The following LGSN variants were observed in gnomAD, a reference collection of about 807,000 sequenced individuals.
LGSN encodes lengsin.
LGSN carries 21 observed loss-of-function variants against 19.5 expected under a neutral mutation model. The ratio of observed to expected loss-of-function variants is 1.07; its 90% CI spans 0.76 to 1.55. The LOEUF (loss-of-function observed/expected upper bound fraction) is 1.55. Among genes scored for constraint, LGSN ranks in the 40% most tolerant of loss-of-function variants. The pLI, the probability that LGSN is intolerant of heterozygous loss-of-function variation, is 0.00. For missense variants in LGSN, 673 were observed against 608.5 expected, an observed-to-expected ratio of 1.11 and a Z score of -1.12; for synonymous variants, 257 against 215.6, an observed-to-expected ratio of 1.19 and a Z score of -1.68.
At chr6:63,399,340 A>T in the LGSN span, among the ~76,000 whole-genome samples, 1 of 152,072 alleles carries the variant, frequency 6.6e-6, no homozygotes, top group Non-Finnish European at 1.5e-5. Flanking sequence ...AAATCACTTA[A>T]TGACACATTT....
chr6:63,452,569 T>A, the LGSN span, among the ~76,000 whole-genome samples: 2 of 152,058 alleles, frequency 1.3e-5, no homozygotes, highest in Non-Finnish European at 2.9e-5. Context: ...TTGAAAAAAA[T>A]TCATAATATA....
At chr6:63,318,778 C>T (rs1302324830) in intron 1 of LGSN, among the ~76,000 whole-genome samples, 1 of 152,148 alleles carries the variant, frequency 6.6e-6, no homozygotes, top group Admixed American at 6.6e-5. Context: ...GGGAAGAAAG[C>T]AGAGTTCTGC....
At chr6:63,408,039 G>C in the LGSN span, among the ~76,000 whole-genome samples, 7 of 152,040 alleles carry the variant, frequency 4.6e-5, no homozygotes, top group African/African-American at 1.2e-4. Flanking sequence ...AGGATACAAG[G>C]AAATGGAAGA....
At chr6:63,562,621 A>C in the LGSN span, among the ~76,000 whole-genome samples, 3 of 152,258 alleles carry the variant, frequency 2.0e-5, no homozygotes, top group African/African-American at 7.2e-5. Flanking sequence ...AAATTCAACA[A>C]AACAGTGCAA....
At chr6:63,533,394 A>G in the LGSN span, among the ~76,000 whole-genome samples, 1 of 152,202 alleles carries the variant, frequency 6.6e-6, no homozygotes, top group African/African-American at 2.4e-5. Flanking sequence ...AAAAGAAAAC[A>G]ATAAGATGAA....
the LGSN span, among the ~76,000 whole-genome samples, chr6:63,565,152 A>G: frequency 2.0e-5 from 3 of 151,854 alleles, no homozygotes; most frequent in Non-Finnish European, 2.9e-5. Context: ...AGCTACAACT[A>G]CAGGAATGCA....
chr6:63,307,514 G>A (rs1768438480), intron 1 of LGSN, among the ~76,000 whole-genome samples: 1 of 152,210 alleles, frequency 6.6e-6, no homozygotes, highest in South Asian at 2.1e-4. Context: ...AAGAGCCCCA[G>A]GGAAATACTA....
the LGSN span, among the ~76,000 whole-genome samples, chr6:63,526,516 A>G: frequency 6.6e-6 from 1 of 151,960 alleles, no homozygotes; most frequent in South Asian, 2.1e-4. Context: ...TATTTTTTTA[A>G]AAAGATTTTT....
At chr6:63,394,128 G>A in the LGSN span, among the ~76,000 whole-genome samples, 166 of 152,264 alleles carry the variant, frequency 1.1e-3, no homozygotes, top group East Asian at 5.8e-3. Flanking sequence ...TTAGCTGGGC[G>A]TGGTGGGCGA....
chr6:63,459,276 C>A, the LGSN span, among the ~76,000 whole-genome samples: 1 of 152,176 alleles, frequency 6.6e-6, no homozygotes, highest in Non-Finnish European at 1.5e-5. Flanking sequence ...TACTCCAATT[C>A]TGTCTATGAA....
the LGSN span, among the ~76,000 whole-genome samples, chr6:63,349,985 C>T: frequency 3.3e-5 from 5 of 152,186 alleles, no homozygotes; most frequent in Admixed American, 6.5e-5. Flanking sequence ...TTATTAGAGA[C>T]CTACCCAAAG....
chr6:63,383,524 T>C, the LGSN span, among the ~76,000 whole-genome samples: 1 of 152,060 alleles, frequency 6.6e-6, no homozygotes, highest in African/African-American at 2.4e-5. Context: ...GGCGTTTTTT[T>C]AATCCAGGTA....
the LGSN span, among the ~76,000 whole-genome samples, chr6:63,526,949 T>G: frequency 1.3e-5 from 2 of 151,812 alleles, no homozygotes; most frequent in African/African-American, 4.8e-5. Flanking sequence ...TGTTATGCAC[T>G]TCTTCAAAAT....
chr6:63,433,072 G>A, the LGSN span, among the ~76,000 whole-genome samples: 8 of 151,972 alleles, frequency 5.3e-5, no homozygotes, highest in East Asian at 3.9e-4. Flanking sequence ...TCCAAGATTC[G>A]TACTTCTAGG....
At chr6:63,357,185 G>A in the LGSN span, among the ~76,000 whole-genome samples, 449 of 152,202 alleles carry the variant, frequency 3.0e-3, 3 homozygotes, top group African/African-American at 0.01. Context: ...TGGCTGCATA[G>A]TATTCCATGG....
chr6:63,358,320 T>C, the LGSN span, among the ~76,000 whole-genome samples: 52 of 152,356 alleles, frequency 3.4e-4, no homozygotes, highest in African/African-American at 1.2e-3. Context: ...ATGTGGGCTC[T>C]TTTTTGGTTC....
At chr6:63,520,549 C>A in the LGSN span, among the ~76,000 whole-genome samples, 12 of 151,800 alleles carry the variant, frequency 7.9e-5, no homozygotes, top group Admixed American at 7.9e-4. Flanking sequence ...ATCACTTGAA[C>A]CAGGGAGGCA....
the LGSN span, among the ~76,000 whole-genome samples, chr6:63,439,627 C>T: frequency 6.6e-6 from 1 of 152,198 alleles, no homozygotes; most frequent in Non-Finnish European, 1.5e-5. Flanking sequence ...GGCACATCTC[C>T]TGCCACTGCC....
chr6:63,527,860 A>G, the LGSN span: 1 of 152,350 alleles, frequency 6.6e-6, no homozygotes, highest in East Asian at 1.9e-4. Context: ...AGGGTGACTC[A>G]TAATTCCCAG....
Sources: gnomAD v4.1 joint callset for allele counts (sites outside exome capture counted in the v4.1 genomes callset) on GRCh38, gnomAD v4.1.1 for gene constraint, MANE v1.5 for transcripts, NCBI Gene and HGNC (gene_info 2026-07-23, HGNC 2026-07-21) for gene names.